The following DYNC2H1 variants were observed in gnomAD, a reference collection of about 807,000 sequenced individuals.
DYNC2H1 encodes dynein cytoplasmic 2 heavy chain 1.
Under a neutral mutation model 570.0 loss-of-function variants are expected in DYNC2H1, and 410 were observed. The observed-to-expected ratio is 0.72, with a 90% CI of 0.66 to 0.78. DYNC2H1 has a LOEUF of 0.78. Ranked by LOEUF, DYNC2H1 falls within the 30% of genes least tolerant of loss-of-function variation. The pLI is 0.00. For missense variants in DYNC2H1, 4,865 were observed against 5,046.4 expected (o/e 0.96, Z 1.09); for synonymous variants, 1,688 against 1,677.6 (o/e 1.01, Z -0.15).
intron 83 of DYNC2H1, among the ~76,000 whole-genome samples, chr11:103,391,027 A>T (rs1459257585): frequency 4.6e-5 from 7 of 152,080 alleles, no homozygotes; most frequent in African/African-American, 1.7e-4. Flanking sequence ...GTATTTCCTG[A>T]ATCTGAATGT....
rs765798997 is a variant in DYNC2H1 at position 103,188,602 on chromosome 11, A to G, written c.7246A>G (p.Lys2416Glu). 6.2e-7 allele frequency: 1 copy of G among 1,610,098 alleles called. No homozygotes were observed. Among genetic ancestry groups the G allele is most frequent in the African/African-American group, 1.3e-5 (1 of 74,858 alleles). Residue 2416 changes from lysine to glutamate, a missense_variant, in exon 44 of 89, where the codon AAA becomes GAA. This residue lies in a region of DYNC2H1 where 2,401 missense variants were observed against 2,454.6 expected (regional missense o/e 0.98). Transcript: ENST00000375735. ...MSAGGRLGRHKLTTRFTSIVR... is the reference protein window; with the variant it reads ...MSAGGRLGRHELTTRFTSIVR... ...AGCTGGAGGAAGACTGGGAAGACAT[A>G]AACTTACTACCAGATTTACTTCCAT...
intron 83 of DYNC2H1, among the ~76,000 whole-genome samples, chr11:103,372,521 G>A (rs1298507152): frequency 6.6e-6 from 1 of 152,054 alleles, no homozygotes; most frequent in East Asian, 1.9e-4. Flanking sequence ...GTTAATGTGT[G>A]TCATTTTTAT....
At chr11:103,400,259 A>G (rs1240441290) in intron 84 of DYNC2H1, among the ~76,000 whole-genome samples, 3 of 152,050 alleles carry the variant, frequency 2.0e-5, no homozygotes, top group African/African-American at 7.3e-5. Flanking sequence ...ATTTGCTTTG[A>G]TTAAAACCAG....
At position 103,405,914 on chromosome 11, in the gene DYNC2H1, A is replaced by G. The variant is rs1323251751; in HGVS notation, c.12366+6042A>G. On this transcript the variant is annotated intron_variant, in intron 84 of 88. Coordinates refer to ENST00000375735, the MANE Select transcript of DYNC2H1 (RefSeq NM_001377.3). ...ACAGAGGTCAAGGCCTCTTTTTACC[A>G]GCCCTGAGGTGATTTCTCATGTTGA... The G allele has an allele frequency of 2.6e-5, 4 of 152,044 alleles. No individual in the cohort carries two copies. The East Asian group carries it at 7.7e-4, about 29-fold the overall frequency. 9.4% of individuals were successfully genotyped at this position (152,044 alleles called of 1,614,324 possible). A position where few individuals can be genotyped will look rare whatever the true frequency, so the allele number is the denominator to read the frequency against.
intron 84 of DYNC2H1, among the ~76,000 whole-genome samples, chr11:103,428,401 C>T (rs1293207490): frequency 3.9e-5 from 6 of 152,110 alleles, no homozygotes; most frequent in Non-Finnish European, 7.4e-5. Context: ...AACTATCTAA[C>T]ATACAGTGAT....
Position 103,154,704 on chromosome 11 carries a change from A to C in DYNC2H1, c.3468A>C (p.Thr1156=). 1 of 1,568,466 alleles carries C rather than the reference A, an allele frequency of 6.4e-7. No homozygotes were observed. The highest frequency in any genetic ancestry group is 8.6e-7 in the Non-Finnish European group (1 of 1,156,784). ...NEDWITFRTK[T]YLFEEFLMNW... ...TTTTGGTATTTTATAGGACTAAGACATACCTGTTTGAGGAATTTTTGATGA... is the reference window on the plus strand; with the variant it reads ...TTTTGGTATTTTATAGGACTAAGACCTACCTGTTTGAGGAATTTTTGATGA... Residue 1156 remains threonine, a synonymous_variant, in exon 24 of 89, where the codon ACA becomes ACC. Coordinates refer to ENST00000375735, the MANE Select transcript of DYNC2H1 (RefSeq NM_001377.3).
intron 79 of DYNC2H1, among the ~76,000 whole-genome samples, chr11:103,316,111 G>A (rs202058354): frequency 2.0e-5 from 3 of 151,922 alleles, no homozygotes; most frequent in East Asian, 1.9e-4. Flanking sequence ...GTTCTGATAC[G>A]CATGCTTTGT....
At chr11:103,310,338 G>A (rs1375140654) in intron 78 of DYNC2H1, among the ~76,000 whole-genome samples, 1 of 151,784 alleles carries the variant, frequency 6.6e-6, no homozygotes, top group Admixed American at 6.6e-5. Context: ...TACTGAAATT[G>A]TTCTAAGTCT....
At chr11:103,337,110 C>G (rs939101323) in intron 82 of DYNC2H1, among the ~76,000 whole-genome samples, 2 of 152,178 alleles carry the variant, frequency 1.3e-5, no homozygotes, top group Non-Finnish European at 2.9e-5. Context: ...CAAACAATAG[C>G]GTGAGGGATC....
intron 87 of DYNC2H1, among the ~76,000 whole-genome samples, chr11:103,464,221 G>C (rs1309218188): frequency 6.6e-6 from 1 of 152,092 alleles, no homozygotes; most frequent in Non-Finnish European, 1.5e-5. Flanking sequence ...CTTCTGGAGA[G>C]AAACAGGGAA....
At chr11:103,410,068 G>A (rs1943017508) in intron 84 of DYNC2H1, among the ~76,000 whole-genome samples, 1 of 151,576 alleles carries the variant, frequency 6.6e-6, no homozygotes, top group African/African-American at 2.4e-5. Context: ...ATCTTCCAGG[G>A]GTAAGCTGGG....
rs1353512540 is a variant in DYNC2H1, at chr11:103,134,340, T to G, written c.2126T>G (p.Ile709Ser). The G allele has an allele frequency of 6.2e-7, 1 of 1,612,992 alleles. No homozygotes were observed. The highest frequency in any genetic ancestry group is 1.7e-5 in the Admixed American group (1 of 59,978). The change falls in exon 15 of 89, where the codon ATT (isoleucine) becomes AGT (serine). Residue 709 changes from isoleucine (I) to serine (S), a missense_variant. Transcript: ENST00000375735. ...FCEKVVVLMN[I>S]DLLRQQQRWK... ...TCATAGGTGGTTGTTCTTATGAATA[T>G]TGATCTGCTTCGGCAGCAACAGCGC...
rs1864531462 is a variant in DYNC2H1, at chr11:103,244,406, G to T, written c.9918+615G>T. 6.6e-6 allele frequency among the ~76,000 whole-genome samples: 1 copy of T among 151,320 alleles called. No homozygotes were observed. Among genetic ancestry groups the T allele is most frequent in the Admixed American group, 6.6e-5 (1 of 15,184 alleles). ...GATTAATTTTCATAGATAATTTTCA[G>T]GTGTTTCAAAAATTACCTCTAAAAG... is the stretch of plus-strand genomic sequence containing the variant. On this transcript the variant is annotated intron_variant, in intron 64 of 88. Coordinates refer to ENST00000375735, the MANE Select transcript of DYNC2H1 (RefSeq NM_001377.3). This position sits in a 1 kb window ranked among gnomAD's most constrained non-coding sequence, Gnocchi z 4.3.
chr11:103,285,922 C>G (rs1377808682), intron 73 of DYNC2H1, among the ~76,000 whole-genome samples: 2 of 152,172 alleles, frequency 1.3e-5, no homozygotes, highest in Non-Finnish European at 2.9e-5. Flanking sequence ...CTTAACTTGA[C>G]AATCCTTAAA....
chr11:103,459,407 T>C (rs1199132932), intron 87 of DYNC2H1, among the ~76,000 whole-genome samples: 2 of 151,858 alleles, frequency 1.3e-5, no homozygotes, highest in African/African-American at 4.8e-5. Context: ...TCTAACATAC[T>C]GTCATTTATT....
intron 83 of DYNC2H1, among the ~76,000 whole-genome samples, chr11:103,383,329 C>T (rs1487391239): frequency 6.6e-6 from 1 of 152,192 alleles, no homozygotes; most frequent in African/African-American, 2.4e-5. Flanking sequence ...TTAGCCCCAG[C>T]TTCACAAACA....
At position 103,191,502 on chromosome 11, in the gene DYNC2H1, T is replaced by C. The variant is rs1348585972; in HGVS notation, c.7438-15T>C. ...AAGGCAGTAGAAAGATTGTTTACTGTATTTTCTTTTTCAGGTGCGAGCCAA... is the reference window on the plus strand; with the variant it reads ...AAGGCAGTAGAAAGATTGTTTACTGCATTTTCTTTTTCAGGTGCGAGCCAA... On this transcript the variant is annotated splice_polypyrimidine_tract_variant and intron_variant, in intron 45 of 88. Coordinates refer to ENST00000375735, the MANE Select transcript of DYNC2H1 (RefSeq NM_001377.3). The C allele has an allele frequency of 1.3e-6, 2 of 1,565,796 alleles. No individual in the cohort carries two copies. Among genetic ancestry groups the C allele is most frequent in the South Asian group, 1.2e-5 (1 of 86,624 alleles).
intron 88 of DYNC2H1, among the ~76,000 whole-genome samples, chr11:103,469,635 T>C (rs1394093790): frequency 6.6e-6 from 1 of 152,182 alleles, no homozygotes; most frequent in Non-Finnish European, 1.5e-5. Context: ...AAGAGTATCC[T>C]CTGACCTAAA....
chr11:103,460,305 A>T (rs1275651183), intron 87 of DYNC2H1, among the ~76,000 whole-genome samples: 1 of 134,098 alleles, frequency 7.5e-6, no homozygotes, highest in Admixed American at 7.3e-5. Flanking sequence ...CATGCATGTA[A>T]TTATAGCATC....
Sources: gnomAD v4.1 joint callset for allele counts (sites outside exome capture counted in the v4.1 genomes callset) on GRCh38, gnomAD v4.1.1 for gene constraint, gnomAD v4.1.1 regional missense constraint, Gnocchi (gnomAD v3.1) non-coding constraint, MANE v1.5 for transcripts, NCBI Gene and HGNC (gene_info 2026-07-23, HGNC 2026-07-21) for gene names.